Variants in VWA8 observed in about 807,000 individuals in gnomAD.
VWA8 encodes von Willebrand factor A domain containing 8.
In VWA8, 221 loss-of-function variants were observed where a neutral mutation model predicts 241.5. That is an observed-to-expected ratio of 0.91 (90% CI 0.82 to 1.02). The LOEUF (loss-of-function observed/expected upper bound fraction) is 1.02, where lower values mean the gene tolerates loss of function less well. Ranked by LOEUF, VWA8 falls within the 50% of genes least tolerant of loss-of-function variation. The pLI, the probability that VWA8 is intolerant of heterozygous loss-of-function variation, is 0.00. For missense variants in VWA8, 2,322 were observed against 2,328.7 expected, an observed-to-expected ratio of 1.00 and a Z score of 0.06; for synonymous variants, 852 against 827.1, an observed-to-expected ratio of 1.03 and a Z score of -0.52.
intron 43 of VWA8, among the ~76,000 whole-genome samples, chr13:41,571,741 C>T (rs924654101): frequency 6.6e-6 from 1 of 152,212 alleles, no homozygotes; most frequent in East Asian, 1.9e-4. Context: ...CCCAAAGTGC[C>T]GAGATTGCAG....
chr13:41,781,890 T>C (rs960524182), intron 19 of VWA8, among the ~76,000 whole-genome samples: 8 of 152,216 alleles, frequency 5.3e-5, no homozygotes, highest in Admixed American at 5.2e-4. Flanking sequence ...GGAAAACACG[T>C]TTTAAAAGTC....
chr13:41,704,500 G>A (rs979056204), intron 26 of VWA8, among the ~76,000 whole-genome samples: 1 of 145,764 alleles, frequency 6.9e-6, no homozygotes, highest in East Asian at 2.0e-4. Context: ...GTCTCACTCT[G>A]TCACCCAGGC....
At chr13:41,795,467 A>C (rs1566460583) in intron 17 of VWA8, among the ~76,000 whole-genome samples, 1 of 152,194 alleles carries the variant, frequency 6.6e-6, no homozygotes, top group Non-Finnish European at 1.5e-5. Flanking sequence ...AAGGAATATA[A>C]ATCATTCTGT....
chr13:41,908,654 A>C (rs1190858591), intron 3 of VWA8, among the ~76,000 whole-genome samples: 1 of 152,154 alleles, frequency 6.6e-6, no homozygotes. Context: ...TAATCAAAAA[A>C]ATCATGAGAT....
chr13:41,854,453 A>AT (rs35229178), intron 12 of VWA8, among the ~76,000 whole-genome samples: 36,762 of 149,760 alleles, frequency 0.25, 4,690 homozygotes, highest in African/African-American at 0.32. Context: ...ATTTCAAAAT[A>AT]TTTTTTATTG....
At chr13:41,905,014 G>T (rs1875640847) in intron 4 of VWA8, 1 of 152,050 alleles carries the variant, frequency 6.6e-6, no homozygotes, top group African/African-American at 2.4e-5. Context: ...TTATAATGTG[G>T]ATATTATGTG....
Position 41,721,225 on chromosome 13 carries a change from T to C in VWA8, c.2964+145A>G, listed in dbSNP as rs937751891. 17 of 886,480 alleles carry C rather than the reference T, an allele frequency of 1.9e-5. No homozygotes were observed. In the African/African-American group the frequency reaches 2.7e-4, roughly 14 times the overall value. The allele number at this position is 886,480 out of a possible 1,614,324, so 54.9% of individuals were successfully genotyped here. A position where few individuals can be genotyped will look rare whatever the true frequency, so the allele number is the denominator to read the frequency against. On this transcript the variant is annotated intron_variant, in intron 25 of 44. Coordinates refer to ENST00000379310, the MANE Select transcript of VWA8 (RefSeq NM_015058.2). ...AATGTTCATTGGCCTACCATATTTA[T>C]AACTTAGATTATACACATTTCAAAT...
Position 41,843,424 on chromosome 13 carries a change from A to G in VWA8, c.1426-9893T>C, listed in dbSNP as rs188830699. 1.8e-3 allele frequency among the ~76,000 whole-genome samples: 275 copies of G among 152,286 alleles called. 2 individuals carry two copies. Among genetic ancestry groups the G allele is most frequent in the Non-Finnish European group, 2.6e-3 (179 of 68,010 alleles). On this transcript the variant is annotated intron_variant, in intron 12 of 44. Transcript: ENST00000379310. ...CAAATCAACAATCTAATCTAACATC[A>G]CGGCTAGAGGAACTAGAAAAACAAG...
intron 2 of VWA8, among the ~76,000 whole-genome samples, chr13:41,948,156 G>A (rs568317212): frequency 5.7e-4 from 86 of 152,122 alleles, no homozygotes; most frequent in African/African-American, 2.0e-3. Context: ...GAAAGGATAA[G>A]CAAAATGTGG....
chr13:41,816,167 C>T (rs1416427557), intron 16 of VWA8, among the ~76,000 whole-genome samples: 2 of 152,154 alleles, frequency 1.3e-5, no homozygotes, highest in Non-Finnish European at 2.9e-5. Flanking sequence ...GAAGGAGATT[C>T]TTTACACACA....
chr13:41,922,081 C>A (rs1368910557), intron 2 of VWA8, among the ~76,000 whole-genome samples: 1 of 152,144 alleles, frequency 6.6e-6, no homozygotes, highest in African/African-American at 2.4e-5. Context: ...GGTACCAAAA[C>A]AGAGATATAG....
intron 17 of VWA8, among the ~76,000 whole-genome samples, chr13:41,801,757 C>T (rs534192065): frequency 6.6e-6 from 1 of 152,122 alleles, no homozygotes; most frequent in Non-Finnish European, 1.5e-5. Context: ...ATGAAAAGTT[C>T]CAATGCAAAT....
At chr13:41,845,701 C>T (rs1425119456) in intron 12 of VWA8, among the ~76,000 whole-genome samples, 1 of 152,124 alleles carries the variant, frequency 6.6e-6, no homozygotes, top group Admixed American at 6.5e-5. Context: ...TATAAGCAAA[C>T]TAACGTAGAA....
In VWA8 at chr13:41,664,698, T is replaced by A. The variant is rs2044975414; in HGVS notation, c.4611+6248A>T. Among the ~76,000 whole-genome samples the A allele has an allele frequency of 1.3e-5, 2 of 151,968 alleles. 1 individual carries two copies. Among genetic ancestry groups the A allele is most frequent in the South Asian group, 4.2e-4 (2 of 4,810 alleles). ...TTCCAAATTTCAGTGCCACCCCACA[T>A]TACAACCTTCAGAACTACACAGTAT... On this transcript the variant is annotated intron_variant, in intron 37 of 44. Transcript: ENST00000379310.
At chr13:41,843,711 C>T (rs1449613867) in intron 12 of VWA8, among the ~76,000 whole-genome samples, 1 of 151,618 alleles carries the variant, frequency 6.6e-6, no homozygotes, top group African/African-American at 2.4e-5. Flanking sequence ...ACTATGAACA[C>T]CTCTCTGCAC....
intron 16 of VWA8, among the ~76,000 whole-genome samples, chr13:41,816,209 G>A (rs962291552): frequency 6.6e-6 from 1 of 152,160 alleles, no homozygotes; most frequent in Non-Finnish European, 1.5e-5. Flanking sequence ...ACCATTTTAT[G>A]CGGTAGATGG....
At chr13:41,824,032 C>T (rs1359947168) in intron 14 of VWA8, among the ~76,000 whole-genome samples, 1 of 152,210 alleles carries the variant, frequency 6.6e-6, no homozygotes, top group Non-Finnish European at 1.5e-5. Context: ...TCAACTAAAA[C>T]TGGATTAATA....
In VWA8 at chr13:41,685,116, A is replaced by G. The variant is rs746712975; in HGVS notation, c.4258T>C (p.Leu1420=). ...ATCCTCACTACCTGATTCGTATCTA[A>G]AAGAGTCACACAATTGCTTTGTTTT... ...TPKQSNCVTL[L]DTNQVVRILP... is the part of the protein sequence containing the mutation. The change falls in exon 35 of 45, where the codon TTA becomes CTA. Residue 1420 remains leucine, a synonymous_variant. Coordinates refer to ENST00000379310, the MANE Select transcript of VWA8 (RefSeq NM_015058.2). The G allele has an allele frequency of 1.2e-6, 2 of 1,613,648 alleles. No individual in the cohort carries two copies. Among genetic ancestry groups the G allele is most frequent in the Non-Finnish European group, 1.7e-6 (2 of 1,179,742 alleles).
chr13:41,748,014 G>C (rs2045623644), intron 21 of VWA8, among the ~76,000 whole-genome samples: 3 of 152,030 alleles, frequency 2.0e-5, no homozygotes, highest in Admixed American at 2.0e-4. Context: ...ATTTTATTGA[G>C]GATTTTTGCA....
Sources: gnomAD v4.1 joint callset for allele counts (sites outside exome capture counted in the v4.1 genomes callset) on GRCh38, gnomAD v4.1.1 for gene constraint, MANE v1.5 for transcripts, NCBI Gene and HGNC (gene_info 2026-07-23, HGNC 2026-07-21) for gene names.